The following CSMD1 variants were observed in gnomAD, a reference collection of about 807,000 sequenced individuals.
CSMD1 encodes CUB and sushi domain-containing protein 1.
Under a neutral mutation model 417.5 loss-of-function variants are expected in CSMD1, and 213 were observed. The ratio of observed to expected loss-of-function variants is 0.51; its 90% CI spans 0.46 to 0.57. The LOEUF is 0.57. CSMD1 is among the 20% of genes least tolerant of loss of function. The pLI, the probability that CSMD1 is intolerant of heterozygous loss-of-function variation, is 0.00. For synonymous variants in CSMD1, 2,862 were observed against 1,736.8 expected (o/e 1.65, Z -16.11); for missense variants, 6,923 against 4,529.7 (o/e 1.53, Z -15.17).
intron 3 of CSMD1, among the ~76,000 whole-genome samples, chr8:4,055,806 A>G (rs1047314689): frequency 2.6e-5 from 4 of 151,850 alleles, no homozygotes; most frequent in Admixed American, 2.0e-4. Context: ...AATGACTAAC[A>G]CTGAAGCAGA....
chr8:4,787,504 T>A, intron 1 of CSMD1: 1 of 971,562 alleles, frequency 1.0e-6, no homozygotes, highest in Admixed American at 2.0e-5. Flanking sequence ...CCAGTTGTAT[T>A]TTTCAGTTAT....
intron 41 of CSMD1, among the ~76,000 whole-genome samples, chr8:3,139,623 G>A (rs201718867): frequency 6.6e-6 from 1 of 152,132 alleles, no homozygotes; most frequent in Non-Finnish European, 1.5e-5. Context: ...TAAGTTTTCT[G>A]GAACTATGTT....
chr8:3,567,947 G>A (rs1272431823), intron 10 of CSMD1, among the ~76,000 whole-genome samples: 7 of 152,112 alleles, frequency 4.6e-5, no homozygotes, highest in African/African-American at 1.4e-4. Context: ...CGCCGGAGAT[G>A]GAAACCCACC....
At position 4,144,823 on chromosome 8, in the gene CSMD1, C is replaced by T. The variant is rs905271689; in HGVS notation, c.416-112724G>A. ...AGTTGCATCACCAAAAAGCAACATTCGCAATCATTCACAATGCAGGGAACC... is the reference window on the plus strand; with the variant it reads ...AGTTGCATCACCAAAAAGCAACATTTGCAATCATTCACAATGCAGGGAACC... On this transcript the variant is annotated intron_variant, in intron 3 of 69. Transcript: ENST00000635120. Among the ~76,000 whole-genome samples the T allele has an allele frequency of 6.6e-5, 10 of 150,954 alleles. 1 individual carries two copies. Among genetic ancestry groups the T allele is most frequent in the African/African-American group, 1.5e-4 (6 of 40,328 alleles).
At chr8:4,391,293 C>T (rs921178624) in intron 3 of CSMD1, among the ~76,000 whole-genome samples, 2 of 152,204 alleles carry the variant, frequency 1.3e-5, no homozygotes, top group African/African-American at 2.4e-5. Context: ...TTAACTCTAC[C>T]CTTTCTTCTC....
intron 19 of CSMD1, 76 bp downstream of exon 19, chr8:3,369,178 A>G (rs1190011944): frequency 7.1e-6 from 5 of 699,784 alleles, no homozygotes; most frequent in South Asian, 1.7e-5. Flanking sequence ...TTACACCGTA[A>G]TATGTTTTTG....
At chr8:4,726,392 T>C (rs1236865590) in intron 1 of CSMD1, among the ~76,000 whole-genome samples, 2 of 152,122 alleles carry the variant, frequency 1.3e-5, no homozygotes, top group African/African-American at 2.4e-5. Context: ...TGACTAAAAA[T>C]AGAGCACTCT....
intron 3 of CSMD1, among the ~76,000 whole-genome samples, chr8:4,348,725 T>C (rs1800920352): frequency 6.6e-6 from 1 of 152,106 alleles, no homozygotes; most frequent in South Asian, 2.1e-4. Flanking sequence ...AATTTGATCT[T>C]CGTCTTTAGG....
intron 41 of CSMD1, among the ~76,000 whole-genome samples, chr8:3,126,198 C>T (rs1377740784): frequency 2.0e-5 from 3 of 152,126 alleles, no homozygotes; most frequent in African/African-American, 2.4e-5. Flanking sequence ...CCCATCTATA[C>T]AAGGGCCACA....
chr8:4,448,539 A>T (rs1043540667), intron 2 of CSMD1, among the ~76,000 whole-genome samples: 3 of 152,232 alleles, frequency 2.0e-5, no homozygotes, highest in Non-Finnish European at 2.9e-5. Flanking sequence ...TACATAAATC[A>T]TGGGAACATC....
At chr8:4,060,956 G>T (rs1377925744) in intron 3 of CSMD1, among the ~76,000 whole-genome samples, 1 of 152,208 alleles carries the variant, frequency 6.6e-6, no homozygotes, top group Non-Finnish European at 1.5e-5. Flanking sequence ...CATTGAAAGT[G>T]TGGAGGAAAG....
intron 10 of CSMD1, among the ~76,000 whole-genome samples, chr8:3,523,006 T>TATATAC (rs1554453429): frequency 8.8e-6 from 1 of 113,334 alleles, no homozygotes; most frequent in African/African-American, 3.6e-5. Context: ...GATACATATA[T>TATATAC]ACACACACCC....
At chr8:4,813,362 T>C (rs1355940902) in intron 1 of CSMD1, among the ~76,000 whole-genome samples, 2 of 152,128 alleles carry the variant, frequency 1.3e-5, no homozygotes, top group East Asian at 1.9e-4. Context: ...AAAAAATTAA[T>C]AGAACATAAA....
intron 5 of CSMD1, among the ~76,000 whole-genome samples, chr8:3,755,513 T>C (rs1056462051): frequency 3.3e-5 from 5 of 152,276 alleles, no homozygotes; most frequent in African/African-American, 1.2e-4. Context: ...GAACTTGAAC[T>C]GTGGTGCTGC....
chr8:4,230,596 C>G (rs1043783217), intron 3 of CSMD1, among the ~76,000 whole-genome samples: 4 of 152,114 alleles, frequency 2.6e-5, no homozygotes, highest in Admixed American at 6.5e-5. Flanking sequence ...ATGTTCATGG[C>G]TGTTATGTAT....
chr8:3,754,320 T>C (rs1584947881), intron 5 of CSMD1, among the ~76,000 whole-genome samples: 1 of 152,186 alleles, frequency 6.6e-6, no homozygotes, highest in Non-Finnish European at 1.5e-5. Context: ...AGGTATTCTT[T>C]TGATCTCTTA....
At chr8:3,932,520 T>A (rs1810221501) in intron 5 of CSMD1, among the ~76,000 whole-genome samples, 1 of 150,490 alleles carries the variant, frequency 6.6e-6, no homozygotes, top group African/African-American at 2.5e-5. Context: ...GATGTTAGCC[T>A]TATTAAATCA....
At chr8:4,583,217 C>T (rs1171208984) in intron 2 of CSMD1, among the ~76,000 whole-genome samples, 1 of 152,198 alleles carries the variant, frequency 6.6e-6, no homozygotes, top group African/African-American at 2.4e-5. Context: ...AATGCGGGCA[C>T]ACGGCACAGG....
At chr8:3,063,239 C>G (rs1349815410) in intron 49 of CSMD1, among the ~76,000 whole-genome samples, 1 of 152,054 alleles carries the variant, frequency 6.6e-6, no homozygotes, top group Non-Finnish European at 1.5e-5. Context: ...CTAGTCAAGC[C>G]CAGAAGCACA....
Sources: gnomAD v4.1 joint callset for allele counts (sites outside exome capture counted in the v4.1 genomes callset) on GRCh38, gnomAD v4.1.1 for gene constraint, MANE v1.5 for transcripts, NCBI Gene and HGNC (gene_info 2026-07-23, HGNC 2026-07-21) for gene names.